TTC29: variants seen among roughly 807,000 people sequenced by gnomAD.
The protein encoded by TTC29 is tetratricopeptide repeat domain 29, also known as tetratricopeptide repeat protein 29.
In TTC29, 49 loss-of-function variants were observed where a neutral mutation model predicts 58.1. The observed-to-expected ratio is 0.84, with a 90% CI of 0.67 to 1.07. The LOEUF is 1.07. Ranked by LOEUF, TTC29 falls within the 50% of genes least tolerant of loss-of-function variation. The pLI is 0.00. For missense variants in TTC29, 582 were observed against 555.6 expected (o/e 1.05, Z -0.48); for synonymous variants, 209 against 196.8 (o/e 1.06, Z -0.52).
intron 11 of TTC29, among the ~76,000 whole-genome samples, chr4:146,715,845 A>G (rs1423394030): frequency 1.3e-5 from 2 of 152,230 alleles, no homozygotes; most frequent in African/African-American, 4.8e-5. Flanking sequence ...ATCATTACAC[A>G]TTGTAAACAC....
At chr4:146,764,233 A>G (rs190250915) in intron 11 of TTC29, 1 of 152,056 alleles carries the variant, frequency 6.6e-6, no homozygotes, top group Non-Finnish European at 1.5e-5. Flanking sequence ...ATAGATTCCA[A>G]TTCATAGCTA....
At chr4:146,799,720 C>T (rs1184069382) in intron 11 of TTC29, among the ~76,000 whole-genome samples, 1 of 152,122 alleles carries the variant, frequency 6.6e-6, no homozygotes, top group Non-Finnish European at 1.5e-5. Flanking sequence ...TAAGAAAGTA[C>T]ATGAAAACCA....
intron 9 of TTC29, among the ~76,000 whole-genome samples, chr4:146,822,455 T>G (rs982961748): frequency 5.3e-5 from 8 of 152,218 alleles, no homozygotes; most frequent in Non-Finnish European, 1.0e-4. Context: ...ATGGTGTATA[T>G]GTACCACATT....
In TTC29 at chr4:146,870,455, T is replaced by C. The variant is rs537923013; in HGVS notation, c.800-2872A>G. ...CTAGAAAAAGAGGATACAACTACAC[T>C]CAAATCAAACAGAGGGAAGGAAATA... On this transcript the variant is annotated intron_variant, in intron 7 of 12. Transcript: ENST00000325106. Among the ~76,000 whole-genome samples the C allele has an allele frequency of 9.3e-5, 14 of 151,254 alleles. No homozygotes were observed. The East Asian group carries it at 2.7e-3, about 30-fold the overall frequency.
intron 8 of TTC29, among the ~76,000 whole-genome samples, chr4:146,864,772 G>C (rs547847685): frequency 9.2e-5 from 14 of 152,098 alleles, no homozygotes; most frequent in African/African-American, 3.1e-4. Context: ...CCTGTCTTCT[G>C]TTTCAAATCT....
intron 11 of TTC29, among the ~76,000 whole-genome samples, chr4:146,755,684 C>CT (rs1251933551): frequency 1.3e-5 from 2 of 150,462 alleles, no homozygotes; most frequent in East Asian, 1.9e-4. Context: ...ATGATAGTAA[C>CT]TTTTTTTAAC....
At chr4:146,839,728 C>CTT (rs146584580) in intron 8 of TTC29, among the ~76,000 whole-genome samples, 1 of 149,126 alleles carries the variant, frequency 6.7e-6, no homozygotes, top group African/African-American at 2.5e-5. Context: ...AAAGGAAAAT[C>CTT]TTTTTTTTTT....
At chr4:146,902,045 A>G (rs1733184943) in intron 6 of TTC29, among the ~76,000 whole-genome samples, 1 of 152,180 alleles carries the variant, frequency 6.6e-6, no homozygotes, top group Non-Finnish European at 1.5e-5. Context: ...CTTTTCTGGG[A>G]TACTATAGAT....
At chr4:146,737,341 A>G (rs1744781254) in intron 11 of TTC29, among the ~76,000 whole-genome samples, 1 of 152,138 alleles carries the variant, frequency 6.6e-6, no homozygotes, top group African/African-American at 2.4e-5. Context: ...CAACAAGCAG[A>G]TATTCCTGTG....
At chr4:146,771,211 T>G (rs1747703425) in intron 11 of TTC29, among the ~76,000 whole-genome samples, 1 of 152,092 alleles carries the variant, frequency 6.6e-6, no homozygotes, top group African/African-American at 2.4e-5. Context: ...TTGTCAGTTT[T>G]ATGGTTAGGT....
chr4:146,904,615 C>T (rs926863396), intron 5 of TTC29, among the ~76,000 whole-genome samples: 2 of 152,106 alleles, frequency 1.3e-5, no homozygotes, highest in Middle Eastern at 3.2e-3. Context: ...ATATTTATGT[C>T]TTTTGTATTT....
chr4:146,807,449 G>A (rs577006903), intron 10 of TTC29, among the ~76,000 whole-genome samples: 2 of 152,234 alleles, frequency 1.3e-5, no homozygotes, highest in South Asian at 4.1e-4. Flanking sequence ...ATGAATCCAG[G>A]AGCTGGTTTT....
chr4:146,925,501 T>C (rs1286946548), intron 4 of TTC29, among the ~76,000 whole-genome samples: 1 of 152,150 alleles, frequency 6.6e-6, no homozygotes, highest in Non-Finnish European at 1.5e-5. Flanking sequence ...AGATCTCTAA[T>C]TTGTTTTCTC....
At chr4:146,712,007 A>G (rs546652490) in intron 11 of TTC29, among the ~76,000 whole-genome samples, 1 of 151,740 alleles carries the variant, frequency 6.6e-6, no homozygotes, top group South Asian at 2.1e-4. Flanking sequence ...ATCCCTTCCA[A>G]TAAATAAATA....
At chr4:146,938,595 G>C (rs116040356) in intron 3 of TTC29, among the ~76,000 whole-genome samples, 1 of 151,996 alleles carries the variant, frequency 6.6e-6, no homozygotes, top group Non-Finnish European at 1.5e-5. Flanking sequence ...ATATATTATA[G>C]TGTACACACA....
chr4:146,942,637 C>A, intron 2 of TTC29: 3 of 1,532,332 alleles, frequency 2.0e-6, no homozygotes, highest in Non-Finnish European at 2.6e-6. Context: ...TCCAATGTTA[C>A]AGTGAACATC....
At chr4:146,720,840 G>C (rs1743301885) in intron 11 of TTC29, among the ~76,000 whole-genome samples, 1 of 152,184 alleles carries the variant, frequency 6.6e-6, no homozygotes, top group South Asian at 2.1e-4. Flanking sequence ...TATGGTTTAT[G>C]TTGAATATAC....
At position 146,903,579 on chromosome 4, in the gene TTC29, G is replaced by GC. The variant is rs772703434; in HGVS notation, c.550dup (p.Ala184GlyfsTer20). 1 of 1,612,078 alleles carries GC rather than the reference G, an allele frequency of 6.2e-7. No homozygotes were observed. Among genetic ancestry groups the GC allele is most frequent in the Non-Finnish European group, 8.5e-7 (1 of 1,179,058 alleles). On this transcript the variant is annotated frameshift_variant, in exon 6 of 13. Transcript: ENST00000325106. LOFTEE classifies it high-confidence loss of function. Reference sequence around the variant, plus strand: ...GTAGAGAAGACCCATATGCATGTGTGCCTCGGCTTCTTTCTTCCCACAGTC... The same window carrying GC: ...GTAGAGAAGACCCATATGCATGTGTGCCCTCGGCTTCTTTCTTCCCACAGTC...
chr4:146,944,410 G>A (rs1391225816), intron 2 of TTC29: 2 of 152,242 alleles, frequency 1.3e-5, no homozygotes, highest in African/African-American at 4.8e-5. Flanking sequence ...TGCTAGGTCA[G>A]GCTGAATGTG....
Sources: allele counts gnomAD v4.1 joint callset (sites outside exome capture counted in the v4.1 genomes callset), GRCh38; gene constraint gnomAD v4.1.1; transcripts MANE v1.5; gene names NCBI Gene and HGNC (gene_info 2026-07-23, HGNC 2026-07-21).